Variants in B4GALT5 observed in about 807,000 individuals in gnomAD.
B4GALT5 encodes the protein UDP-Gal:beta-GlcNAc beta-1,4-galactosyltransferase 5.
Under a neutral mutation model 45.0 loss-of-function variants are expected in B4GALT5, and 11 were observed. That is an observed-to-expected ratio of 0.24 (90% CI 0.15 to 0.40). The LOEUF (loss-of-function observed/expected upper bound fraction) is 0.40. Among genes scored for constraint, B4GALT5 ranks in the 10% least tolerant of loss-of-function variants. The probability of loss-of-function intolerance (pLI) is 1.00; values close to 1 mark genes in which losing one functional copy is unlikely to be tolerated. For synonymous variants in B4GALT5, 185 were observed against 182.9 expected (o/e 1.01, Z -0.09); for missense variants, 337 against 500.2 (o/e 0.67, Z 3.11).
chr20:49,706,279 A>C (rs2085883585), intron 1 of B4GALT5, among the ~76,000 whole-genome samples: 2 of 152,070 alleles, frequency 1.3e-5, no homozygotes, highest in Non-Finnish European at 1.5e-5. Flanking sequence ...ATTCTACTTA[A>C]TTCTGACAAG....
intron 2 of B4GALT5, among the ~76,000 whole-genome samples, chr20:49,647,628 G>A (rs1165225149): frequency 1.3e-5 from 2 of 152,200 alleles, no homozygotes; most frequent in African/African-American, 4.8e-5. Context: ...TTACGATGCT[G>A]CTGTTAAGTA....
intron 1 of B4GALT5, among the ~76,000 whole-genome samples, chr20:49,690,179 T>A (rs1262241245): frequency 6.6e-6 from 1 of 152,164 alleles, no homozygotes; most frequent in East Asian, 1.9e-4. Flanking sequence ...ACTTCTTTTG[T>A]ATTTTTAGTA....
chr20:49,643,786 T>G, intron 3 of B4GALT5, 136 bp from the exon 4 acceptor site: 1 of 871,812 alleles, frequency 1.1e-6, no homozygotes, highest in Non-Finnish European at 1.7e-6. Context: ...TCCCTTCCTC[T>G]GCTTTCCATC....
Position 49,690,688 on chromosome 20 carries a change from A to G in B4GALT5, c.115+22888T>C, listed in dbSNP as rs1053230763. ...TTACATCTTTAAATGCATATAAGCCATTTAAATGGTATCAATCTAACAGCT... is the reference window on the plus strand; with the variant it reads ...TTACATCTTTAAATGCATATAAGCCGTTTAAATGGTATCAATCTAACAGCT... On this transcript the variant is annotated intron_variant, in intron 1 of 8. Transcript: ENST00000371711. Among the ~76,000 whole-genome samples, 63 of 152,196 alleles carry G rather than the reference A, an allele frequency of 4.1e-4. 1 individual carries two copies. Among genetic ancestry groups the G allele is most frequent in the African/African-American group, 1.5e-3 (62 of 41,440 alleles).
rs1247484745 is a variant in B4GALT5, at chr20:49,689,252, AT to A, written c.115+24323del. Among the ~76,000 whole-genome samples, 5 of 152,308 alleles carry A rather than the reference AT, an allele frequency of 3.3e-5. No individual in the cohort carries two copies. In the South Asian group the frequency reaches 6.2e-4, roughly 19 times the overall value. On this transcript the variant is annotated intron_variant, in intron 1 of 8. Coordinates refer to ENST00000371711, the MANE Select transcript of B4GALT5 (RefSeq NM_004776.4). ...AGACAGCAAAATAATCAGAAAAAAA[AT>A]ATTTAGACTCAATGAGAAAGATAAG...
At chr20:49,704,543 C>A (rs1411679931) in intron 1 of B4GALT5, among the ~76,000 whole-genome samples, 2 of 151,640 alleles carry the variant, frequency 1.3e-5, no homozygotes, top group Admixed American at 1.3e-4. Context: ...AACGGTGAAA[C>A]CCCGTCTCTA....
intron 1 of B4GALT5, among the ~76,000 whole-genome samples, chr20:49,665,608 T>G (rs1044562709): frequency 6.6e-6 from 1 of 151,192 alleles, no homozygotes; most frequent in African/African-American, 2.4e-5. Context: ...ACACTCATTA[T>G]ATACATAAGA....
chr20:49,704,450 T>G (rs2085875523), intron 1 of B4GALT5, among the ~76,000 whole-genome samples: 1 of 152,152 alleles, frequency 6.6e-6, no homozygotes, highest in Admixed American at 6.5e-5. Flanking sequence ...CCGGGCGCGG[T>G]GGCTCACGCC....
intron 2 of B4GALT5, among the ~76,000 whole-genome samples, chr20:49,650,667 C>T (rs2085618606): frequency 6.6e-6 from 1 of 151,970 alleles, no homozygotes; most frequent in African/African-American, 2.4e-5. Context: ...GTCTGCTTTT[C>T]AGTAGCAATA....
intron 1 of B4GALT5, among the ~76,000 whole-genome samples, chr20:49,665,997 T>A (rs558186617): frequency 1.3e-5 from 2 of 152,030 alleles, no homozygotes; most frequent in South Asian, 4.2e-4. Context: ...ATACTTGGGG[T>A]CTGAACTTGA....
intron 7 of B4GALT5, among the ~76,000 whole-genome samples, chr20:49,638,601 T>C (rs2085563629): frequency 6.6e-6 from 1 of 152,104 alleles, no homozygotes; most frequent in African/African-American, 2.4e-5. Context: ...TCCAATGAAA[T>C]GGGCATTTAG....
chr20:49,658,785 C>T (rs1013542631), intron 1 of B4GALT5, among the ~76,000 whole-genome samples: 9 of 152,180 alleles, frequency 5.9e-5, no homozygotes, highest in African/African-American at 2.2e-4. Context: ...TGAATGTGCA[C>T]TTGTAACAAG....
At chr20:49,707,896 G>C (rs2085891181) in intron 1 of B4GALT5, among the ~76,000 whole-genome samples, 1 of 150,414 alleles carries the variant, frequency 6.6e-6, no homozygotes, top group South Asian at 2.1e-4. Flanking sequence ...TTAAAGGCAT[G>C]AGCCACCTTG....
chr20:49,699,745 T>G (rs2085854000), intron 1 of B4GALT5, among the ~76,000 whole-genome samples: 1 of 152,148 alleles, frequency 6.6e-6, no homozygotes, highest in Non-Finnish European at 1.5e-5. Flanking sequence ...TCCCTCACAA[T>G]CTGCCCAATA....
intron 1 of B4GALT5, among the ~76,000 whole-genome samples, chr20:49,672,039 C>T (rs996495951): frequency 3.9e-5 from 6 of 152,146 alleles, no homozygotes; most frequent in Non-Finnish European, 8.8e-5. Flanking sequence ...GATCCTAAAG[C>T]TCTTGGTGCT....
rs2085545499 is a variant in B4GALT5 at position 49,635,071 on chromosome 20, TCA to T, written c.*1239_*1240del. On this transcript the variant is annotated 3_prime_UTR_variant, in exon 9 of 9. Coordinates refer to ENST00000371711, the MANE Select transcript of B4GALT5 (RefSeq NM_004776.4). The stretch of plus-strand genomic sequence containing the variant: ...TTTGAGTGCTCCTTGGTTCTATGTA[TCA>T]GTTACTAATGTTGACAAAGAATCTT... The T allele has an allele frequency of 6.6e-6, 1 of 152,152 alleles. No homozygotes were observed. The highest frequency in any genetic ancestry group is 1.5e-5 in the Non-Finnish European group (1 of 68,030). The allele number at this position is 152,152 out of a possible 1,614,324, so 9.4% of individuals were successfully genotyped here. A position where few individuals can be genotyped will look rare whatever the true frequency, so the allele number is the denominator to read the frequency against.
chr20:49,639,356 T>TG (rs1291840264), intron 7 of B4GALT5, among the ~76,000 whole-genome samples: 2 of 151,060 alleles, frequency 1.3e-5, no homozygotes, highest in Non-Finnish European at 3.0e-5. Flanking sequence ...CTTGGATGTG[T>TG]GTGGTGTGTG....
In B4GALT5 at chr20:49,713,773, C is replaced by T; in HGVS notation, c.-83G>A. 3.2e-6 allele frequency: 1 copy of T among 312,882 alleles called. No homozygotes were observed. Among genetic ancestry groups the T allele is most frequent in the Non-Finnish European group, 4.9e-6 (1 of 202,338 alleles). 19.4% of individuals were successfully genotyped at this position (312,882 alleles called of 1,614,324 possible). A position where few individuals can be genotyped will look rare whatever the true frequency, so the allele number is the denominator to read the frequency against. On this transcript the variant is annotated 5_prime_UTR_variant, in exon 1 of 9. Coordinates refer to ENST00000371711, the MANE Select transcript of B4GALT5 (RefSeq NM_004776.4). ...CCGCCGCCTCCTGGGCCGCCGCCGC[C>T]ACCGCCTGGGCCTCGGCCACCGCCT... is the stretch of plus-strand genomic sequence containing the variant.
At chr20:49,687,737 C>T (rs1439425024) in intron 1 of B4GALT5, among the ~76,000 whole-genome samples, 1 of 152,148 alleles carries the variant, frequency 6.6e-6, no homozygotes, top group Non-Finnish European at 1.5e-5. Flanking sequence ...GGAGCACAGA[C>T]TAGCATCACC....
Sources: gnomAD v4.1 joint callset for allele counts (sites outside exome capture counted in the v4.1 genomes callset) on GRCh38, gnomAD v4.1.1 for gene constraint, MANE v1.5 for transcripts, NCBI Gene and HGNC (gene_info 2026-07-23, HGNC 2026-07-21) for gene names.